PCDH15: variants seen among roughly 807,000 people sequenced by gnomAD.
PCDH15 encodes protocadherin-15.
In PCDH15, 129 loss-of-function variants were observed where a neutral mutation model predicts 178.5. The ratio of observed to expected loss-of-function variants is 0.72; its 90% CI spans 0.63 to 0.84. The LOEUF (loss-of-function observed/expected upper bound fraction) is 0.84. Ranked by LOEUF, PCDH15 falls within the 40% of genes least tolerant of loss-of-function variation. PCDH15 has a pLI of 0.00. For synonymous variants in PCDH15, 800 were observed against 732.0 expected, an observed-to-expected ratio of 1.09 and a Z score of -1.50; for missense variants, 2,230 against 2,099.9, an observed-to-expected ratio of 1.06 and a Z score of -1.21.
At chr10:53,974,981 T>C (rs1208610011) in intron 21 of PCDH15, among the ~76,000 whole-genome samples, 1 of 152,188 alleles carries the variant, frequency 6.6e-6, no homozygotes, top group Non-Finnish European at 1.5e-5. Context: ...CCCATCTTTT[T>C]GTCCAGGTGT....
intron 18 of PCDH15, among the ~76,000 whole-genome samples, chr10:54,036,467 T>C (rs1198300591): frequency 7.7e-6 from 1 of 129,216 alleles, no homozygotes; most frequent in East Asian, 2.0e-4. Context: ...CTGTCTGTGA[T>C]CAATAAATGG....
intron 14 of PCDH15, among the ~76,000 whole-genome samples, chr10:54,135,128 G>A (rs1023310637): frequency 8.6e-5 from 13 of 151,150 alleles, no homozygotes; most frequent in African/African-American, 1.2e-4. Context: ...GCTTGAACCC[G>A]GGAGACGGAG....
In PCDH15 at chr10:53,952,378, C is replaced by T. The variant is rs564362195; in HGVS notation, c.3122+7354G>A. 7.2e-5 allele frequency among the ~76,000 whole-genome samples: 11 copies of T among 152,296 alleles called. No individual in the cohort carries two copies. The South Asian group carries it at 1.2e-3, about 17-fold the overall frequency. On this transcript the variant is annotated intron_variant, in intron 23 of 37. Coordinates refer to ENST00000644397, the MANE Select transcript of PCDH15 (RefSeq NM_001384140.1). The stretch of plus-strand genomic sequence containing the variant: ...GCTCCTATATGCAGGCAGGCTGTCC[C>T]GATGTCTGCAGCCCTCAGTGGCGAG...
chr10:55,395,384 T>G (rs1467495887), intron 2 of PCDH15, among the ~76,000 whole-genome samples: 1 of 152,152 alleles, frequency 6.6e-6, no homozygotes, highest in Non-Finnish European at 1.5e-5. Flanking sequence ...TGCAATTTTC[T>G]AATATTTTGA....
intron 5 of PCDH15, among the ~76,000 whole-genome samples, chr10:54,356,600 C>A (rs1181638354): frequency 6.6e-6 from 1 of 151,546 alleles, no homozygotes; most frequent in African/African-American, 2.4e-5. Flanking sequence ...ACACAAAAAT[C>A]TACCTCTATG....
At chr10:55,186,673 T>C (rs1412946628) in intron 1 of PCDH15, among the ~76,000 whole-genome samples, 1 of 151,834 alleles carries the variant, frequency 6.6e-6, no homozygotes, top group Non-Finnish European at 1.5e-5. Flanking sequence ...AATTTTAGAT[T>C]TGTGCCATGC....
At chr10:54,253,042 T>C (rs1472591164) in intron 8 of PCDH15, among the ~76,000 whole-genome samples, 3 of 151,978 alleles carry the variant, frequency 2.0e-5, no homozygotes, top group African/African-American at 7.2e-5. Context: ...AATTACAACA[T>C]GTTATAAAGC....
At chr10:55,441,208 T>G (rs1839176327) in intron 2 of PCDH15, among the ~76,000 whole-genome samples, 1 of 152,216 alleles carries the variant, frequency 6.6e-6, no homozygotes, top group Non-Finnish European at 1.5e-5. Flanking sequence ...AAGATTAGTT[T>G]TACCCACCTC....
chr10:54,866,114 T>C (rs539835051), intron 3 of PCDH15, among the ~76,000 whole-genome samples: 2 of 152,178 alleles, frequency 1.3e-5, no homozygotes, highest in African/African-American at 4.8e-5. Flanking sequence ...TGAGTGATCA[T>C]AGTCTACTTC....
chr10:55,246,229 T>G (rs1464388840), intron 1 of PCDH15, among the ~76,000 whole-genome samples: 1 of 152,192 alleles, frequency 6.6e-6, no homozygotes, highest in Non-Finnish European at 1.5e-5. Context: ...AATTGAAGAT[T>G]TTTTTGCATG....
intron 2 of PCDH15, among the ~76,000 whole-genome samples, chr10:55,431,343 T>G (rs969982836): frequency 6.6e-6 from 1 of 152,166 alleles, no homozygotes; most frequent in Non-Finnish European, 1.5e-5. Context: ...TGAAACTGCA[T>G]AGCTTGTTTC....
intron 2 of PCDH15, among the ~76,000 whole-genome samples, chr10:54,998,535 CT>C (rs1839708244): frequency 6.6e-6 from 1 of 151,918 alleles, no homozygotes; most frequent in Admixed American, 6.6e-5. Context: ...ATAAAATATT[CT>C]TTGAAGCCCA....
At chr10:55,406,562 G>A (rs1486828102) in intron 2 of PCDH15, among the ~76,000 whole-genome samples, 1 of 152,178 alleles carries the variant, frequency 6.6e-6, no homozygotes, top group Non-Finnish European at 1.5e-5. Flanking sequence ...CAGATGAGGT[G>A]GAGACAATAG....
chr10:53,959,617 C>T (rs1291097986), intron 23 of PCDH15, 115 bp downstream of exon 23: 8 of 762,404 alleles, frequency 1.0e-5, no homozygotes, highest in Non-Finnish European at 1.8e-5. Flanking sequence ...TTTAGAAACG[C>T]CTAAACCAAA....
intron 3 of PCDH15, among the ~76,000 whole-genome samples, chr10:54,855,817 T>C (rs1435631652): frequency 1.3e-5 from 2 of 152,188 alleles, no homozygotes; most frequent in African/African-American, 2.4e-5. Context: ...AGCATTGACA[T>C]AGGCTATGTT....
At chr10:54,685,145 A>G (rs2094972305) in intron 1 of PCDH15, among the ~76,000 whole-genome samples, 1 of 152,030 alleles carries the variant, frequency 6.6e-6, no homozygotes, top group South Asian at 2.1e-4. Flanking sequence ...TTCCTCCTCC[A>G]TATCTTGTCC....
intron 3 of PCDH15, among the ~76,000 whole-genome samples, chr10:54,444,017 T>C (rs1355090534): frequency 1.3e-5 from 2 of 151,670 alleles, no homozygotes; most frequent in African/African-American, 2.4e-5. Flanking sequence ...CTTGAAATAA[T>C]AGCATTGTGA....
intron 1 of PCDH15, among the ~76,000 whole-genome samples, chr10:54,752,845 A>G (rs1946537277): frequency 6.6e-6 from 1 of 152,132 alleles, no homozygotes; most frequent in African/African-American, 2.4e-5. Context: ...AGGAAGAGTA[A>G]CGCATAGTGT....
chr10:53,979,755 G>A (rs758362546), intron 21 of PCDH15, among the ~76,000 whole-genome samples: 10 of 152,096 alleles, frequency 6.6e-5, no homozygotes, highest in African/African-American at 1.2e-4. Flanking sequence ...GCTATTAAAC[G>A]GAGGTGCTAC....
Sources: gnomAD v4.1 joint callset for allele counts (sites outside exome capture counted in the v4.1 genomes callset) on GRCh38, gnomAD v4.1.1 for gene constraint, MANE v1.5 for transcripts, NCBI Gene and HGNC (gene_info 2026-07-23, HGNC 2026-07-21) for gene names.